The following TMC5 variants were observed in gnomAD, a reference collection of about 807,000 sequenced individuals.
The protein encoded by TMC5 is transmembrane channel-like protein 5.
TMC5 carries 86 observed loss-of-function variants against 110.5 expected under a neutral mutation model. That is an observed-to-expected ratio of 0.78 (90% confidence interval 0.65 to 0.93). The LOEUF is 0.93. Among genes scored for constraint, TMC5 ranks in the 40% least tolerant of loss-of-function variants. The pLI is 0.00. For missense variants in TMC5, 1,144 were observed against 1,222.8 expected (o/e 0.94, Z 0.96); for synonymous variants, 455 against 439.5 (o/e 1.04, Z -0.44).
rs750705262 is a variant in TMC5, at chr16:19,487,168, G to C, written c.2440-25G>C. 7.5e-6 allele frequency: 12 copies of C among 1,606,658 alleles called. No individual in the cohort carries two copies. The South Asian group carries it at 1.1e-4, about 15-fold the overall frequency. On this transcript the variant is annotated intron_variant, in intron 16 of 21. Coordinates refer to ENST00000542583, the MANE Select transcript of TMC5 (RefSeq NM_001261841.2). ...CTGCCGCTGCTCCGGCTGCAGATGGGAGGTGGCTGCCTCTCTCTCTTCAGA... is the reference window on the plus strand; with the variant it reads ...CTGCCGCTGCTCCGGCTGCAGATGGCAGGTGGCTGCCTCTCTCTCTTCAGA...
rs768840226 is a variant in TMC5, at chr16:19,440,844, T to C, written c.788+18T>C. The C allele has an allele frequency of 3.2e-5, 51 of 1,599,916 alleles. No homozygotes were observed. Among genetic ancestry groups the C allele is most frequent in the Non-Finnish European group, 3.8e-5 (45 of 1,172,588 alleles). ...ACCAGGGGGTAAGTTCAGATATATATCCCTTCACTGGGAGTGGATGCTGAG... is the reference window on the plus strand; with the variant it reads ...ACCAGGGGGTAAGTTCAGATATATACCCCTTCACTGGGAGTGGATGCTGAG... On this transcript the variant is annotated intron_variant, in intron 3 of 21. Coordinates refer to ENST00000542583, the MANE Select transcript of TMC5 (RefSeq NM_001261841.2).
intron 15 of TMC5, among the ~76,000 whole-genome samples, chr16:19,483,794 G>C (rs903368469): frequency 7.1e-6 from 1 of 140,684 alleles, no homozygotes; most frequent in Non-Finnish European, 1.5e-5. Context: ...GAAAAGAAAA[G>C]AAAAGAAAAG....
chr16:19,492,324 C>T (rs564827322), intron 19 of TMC5, 96 bp downstream of exon 19: 11 of 777,072 alleles, frequency 1.4e-5, no homozygotes, highest in African/African-American at 5.1e-5. Context: ...AATGAACTCT[C>T]ATATCCCTGC....
intron 12 of TMC5, among the ~76,000 whole-genome samples, chr16:19,475,160 G>A (rs1474090388): frequency 3.9e-5 from 6 of 152,218 alleles, no homozygotes; most frequent in Non-Finnish European, 8.8e-5. Context: ...GGTGGCTCAT[G>A]CCTGTAATCC....
Position 19,492,007 on chromosome 16 carries a change from A to G in TMC5, c.2748-143A>G, listed in dbSNP as rs952269646. The G allele has an allele frequency of 1.9e-5, 13 of 688,612 alleles. No individual in the cohort carries two copies. In the African/African-American group the frequency reaches 2.1e-4, roughly 11 times the overall value. 42.7% of individuals were successfully genotyped at this position (688,612 alleles called of 1,614,324 possible). On this transcript the variant is annotated intron_variant, in intron 18 of 21. Coordinates refer to ENST00000542583, the MANE Select transcript of TMC5 (RefSeq NM_001261841.2). Reference sequence around the variant, plus strand: ...ATTGTTCCAATGTATTTAACCTATAACTCTCCCTGACATGACTTTTCAGAA... The same window carrying G: ...ATTGTTCCAATGTATTTAACCTATAGCTCTCCCTGACATGACTTTTCAGAA...
chr16:19,472,742 A>G (rs1968375587), intron 11 of TMC5, among the ~76,000 whole-genome samples: 1 of 152,126 alleles, frequency 6.6e-6, no homozygotes, highest in Admixed American at 6.5e-5. Flanking sequence ...GAAGCTAAGG[A>G]TCTGGCCCCA....
chr16:19,434,178 AT>A (rs1967266009), intron 2 of TMC5, among the ~76,000 whole-genome samples: 1 of 27,018 alleles, frequency 3.7e-5, no homozygotes, highest in African/African-American at 8.6e-5. Flanking sequence ...ATATAGATCT[AT>A]TAGATATATA....
rs552841356 is a variant in TMC5 at position 19,494,422 on chromosome 16, A to C, written c.2931+56A>C. The C allele has an allele frequency of 8.1e-5, 101 of 1,248,516 alleles. No homozygotes were observed. The South Asian group carries it at 1.2e-3, about 15-fold the overall frequency. The allele number at this position is 1,248,516 out of a possible 1,614,324, so 77.3% of individuals were successfully genotyped here. On this transcript the variant is annotated intron_variant, in intron 20 of 21. Transcript: ENST00000542583. ...GGGACACGAGCTTGCCTCCATGTAA[A>C]AAGCGCGTCAGAGAACTACAGACCA...
chr16:19,436,273 GA>G (rs750838547), intron 2 of TMC5, among the ~76,000 whole-genome samples: 6 of 107,584 alleles, frequency 5.6e-5, no homozygotes, highest in African/African-American at 1.2e-4. Flanking sequence ...GTCTCAAAAA[GA>G]AAAAAAAAAA....
intron 18 of TMC5, among the ~76,000 whole-genome samples, chr16:19,490,769 T>TTCCTTCCTTCCTTCTTTCCCTTCC (rs1447162337): frequency 4.3e-5 from 2 of 46,510 alleles, no homozygotes; most frequent in African/African-American, 8.1e-5. Context: ...CTTCCCTTCC[T>TTCCTTCCTTCCTTCTTTCCCTTCC]TTTTTTCTTT....
At chr16:19,431,257 G>A (rs1395306950) in intron 2 of TMC5, among the ~76,000 whole-genome samples, 4 of 152,034 alleles carry the variant, frequency 2.6e-5, no homozygotes, top group African/African-American at 9.7e-5. Flanking sequence ...ATAAAACGTG[G>A]GGGCCGGGCG....
chr16:19,491,495 G>C lies in TMC5; in HGVS notation c.2748-655G>C, dbSNP rs567316431. ...AGCAAGACCCCATCACTGGGGGAAG[G>C]GGGGAAAGGTTATATATACTATCTT... On this transcript the variant is annotated intron_variant, in intron 18 of 21. Transcript: ENST00000542583. Among the ~76,000 whole-genome samples the C allele has an allele frequency of 2.4e-3, 369 of 151,892 alleles. 1 individual carries two copies. The highest frequency in any genetic ancestry group is 8.2e-3 in the African/African-American group (338 of 41,426).
chr16:19,483,814 G>T (rs533530999), intron 15 of TMC5, among the ~76,000 whole-genome samples: 1 of 150,704 alleles, frequency 6.6e-6, no homozygotes, highest in Non-Finnish European at 1.5e-5. Flanking sequence ...GGCCAGGCAC[G>T]GTGGCTCACG....
At chr16:19,494,202 TC>T (rs1427646969) in intron 19 of TMC5, 59 bp from the exon 20 acceptor site, 1 of 1,383,812 alleles carries the variant, frequency 7.2e-7, no homozygotes, top group Non-Finnish European at 1.0e-6. Flanking sequence ...CTTTCTCAAT[TC>T]CATACCATCA....
intron 19 of TMC5, among the ~76,000 whole-genome samples, chr16:19,493,935 G>A (rs1968983435): frequency 6.6e-6 from 1 of 151,956 alleles, no homozygotes; most frequent in Admixed American, 6.6e-5. Flanking sequence ...TGCCTATGGG[G>A]GATACTGGAA....
chr16:19,488,409 C>A (rs191327741), intron 17 of TMC5, among the ~76,000 whole-genome samples: 10 of 152,202 alleles, frequency 6.6e-5, no homozygotes, highest in African/African-American at 1.2e-4. Context: ...GATGCCCCCC[C>A]ACCCCGTTCC....
exon 1 of TMC5, chr16:19,411,113 G>A (rs1966854865): frequency 6.6e-6 from 1 of 152,300 alleles, no homozygotes; most frequent in Non-Finnish European, 1.5e-5. Context: ...CCGCCCTGCA[G>A]GTGCAGGAAG....
chr16:19,415,196 T>C (rs1966870993), upstream of TMC5, among the ~76,000 whole-genome samples: 1 of 152,232 alleles, frequency 6.6e-6, no homozygotes, highest in South Asian at 2.1e-4. Context: ...AACCGAAATA[T>C]GTAAAAATAT....
intron 4 of TMC5, among the ~76,000 whole-genome samples, chr16:19,444,750 G>C (rs893880663): frequency 2.0e-5 from 3 of 152,192 alleles, no homozygotes; most frequent in Non-Finnish European, 4.4e-5. Context: ...TATGTGTTCA[G>C]AACCTACTGG....
Sources: gnomAD v4.1 joint callset for allele counts (sites outside exome capture counted in the v4.1 genomes callset) on GRCh38, gnomAD v4.1.1 for gene constraint, MANE v1.5 for transcripts, NCBI Gene and HGNC (gene_info 2026-07-23, HGNC 2026-07-21) for gene names.